Variants in SEZ6L observed in about 807,000 individuals in gnomAD.
SEZ6L encodes the protein seizure 6-like protein.
SEZ6L carries 37 observed loss-of-function variants against 106.2 expected under a neutral mutation model. The ratio of observed to expected loss-of-function variants is 0.35; its 90% CI spans 0.27 to 0.46. SEZ6L has a LOEUF of 0.46. Among genes scored for constraint, SEZ6L ranks in the 20% least tolerant of loss-of-function variants. The probability of loss-of-function intolerance (pLI) is 1.00; values close to 1 mark genes in which losing one functional copy is unlikely to be tolerated. For synonymous variants in SEZ6L, 541 were observed against 570.4 expected, an observed-to-expected ratio of 0.95 and a Z score of 0.73; for missense variants, 1,172 against 1,332.8, an observed-to-expected ratio of 0.88 and a Z score of 1.88.
chr22:26,304,351 C>CA (rs1235240481), intron 5 of SEZ6L, among the ~76,000 whole-genome samples: 575 of 36,506 alleles, frequency 0.016, 13 homozygotes, highest in Middle Eastern at 0.043. Flanking sequence ...GAGTTTGTCT[C>CA]AAAAAAAAAA....
rs559634948 is a variant in SEZ6L at position 26,233,919 on chromosome 22, G to T, written c.95-58487G>T. ...AAGACCTGGAATAAGATGGTTCCAG[G>T]CAAAGGCAAGCACCAGATGGAGGAC... On this transcript the variant is annotated intron_variant, in intron 1 of 16. Coordinates refer to ENST00000248933, the MANE Select transcript of SEZ6L (RefSeq NM_021115.5). Among the ~76,000 whole-genome samples, 14 of 152,290 alleles carry T rather than the reference G, an allele frequency of 9.2e-5. No individual in the cohort carries two copies. In the South Asian group the frequency reaches 2.9e-3, roughly 32 times the overall value.
chr22:26,329,042 G>A (rs1327783079), intron 9 of SEZ6L, among the ~76,000 whole-genome samples: 2 of 152,178 alleles, frequency 1.3e-5, no homozygotes, highest in African/African-American at 4.8e-5. Flanking sequence ...TCTGAGGTGC[G>A]GCCAGGATTG....
At chr22:26,340,912 C>T (rs1442651353) in intron 10 of SEZ6L, among the ~76,000 whole-genome samples, 1 of 151,498 alleles carries the variant, frequency 6.6e-6, no homozygotes, top group East Asian at 1.9e-4. Context: ...GATACCTATT[C>T]CACAAGGTTG....
chr22:26,222,244 G>C (rs939152916), intron 1 of SEZ6L, among the ~76,000 whole-genome samples: 20 of 152,312 alleles, frequency 1.3e-4, no homozygotes, highest in African/African-American at 4.6e-4. Context: ...AGCCTCACAG[G>C]AACTTAGAGT....
chr22:26,347,608 T>C, intron 10 of SEZ6L, 111 bp from the exon 11 acceptor site: 1 of 863,012 alleles, frequency 1.2e-6, no homozygotes, highest in South Asian at 1.9e-5. Context: ...AGCGTGTTGC[T>C]CATTTCTAGA....
intron 1 of SEZ6L, among the ~76,000 whole-genome samples, chr22:26,188,650 C>T (rs1939967127): frequency 6.6e-6 from 1 of 152,226 alleles, no homozygotes; most frequent in Admixed American, 6.5e-5. Flanking sequence ...GCACTCTGTA[C>T]TCCATCATTG....
intron 1 of SEZ6L, among the ~76,000 whole-genome samples, chr22:26,273,957 C>T (rs777115263): frequency 1.3e-5 from 2 of 152,040 alleles, no homozygotes; most frequent in South Asian, 2.1e-4. Flanking sequence ...AGAGCAGGGG[C>T]GATAAGCAGA....
intron 1 of SEZ6L, among the ~76,000 whole-genome samples, chr22:26,290,773 T>G (rs1450915013): frequency 6.6e-6 from 1 of 152,200 alleles, no homozygotes; most frequent in Non-Finnish European, 1.5e-5. Context: ...TCCCCCGTAC[T>G]CTCCACTTGT....
At chr22:26,286,172 G>A (rs1316580700) in intron 1 of SEZ6L, among the ~76,000 whole-genome samples, 1 of 152,174 alleles carries the variant, frequency 6.6e-6, no homozygotes, top group East Asian at 1.9e-4. Context: ...GCGTCCTAAA[G>A]GTAGTTACTG....
intron 1 of SEZ6L, among the ~76,000 whole-genome samples, chr22:26,184,500 A>G (rs1939638437): frequency 6.6e-6 from 1 of 152,202 alleles, no homozygotes; most frequent in East Asian, 1.9e-4. Context: ...TGATTCACTG[A>G]TTCAACCCCA....
Position 26,333,888 on chromosome 22 carries a change from G to A in SEZ6L, c.2016-6548G>A, listed in dbSNP as rs1159779856. 3.9e-5 allele frequency among the ~76,000 whole-genome samples: 6 copies of A among 152,284 alleles called. No individual in the cohort carries two copies. The South Asian group carries it at 8.3e-4, about 21-fold the overall frequency. On this transcript the variant is annotated intron_variant, in intron 9 of 16. Coordinates refer to ENST00000248933, the MANE Select transcript of SEZ6L (RefSeq NM_021115.5). ...CCAGGTGGAGAATTCAGAGCACAGG[G>A]AAGGGAATGTGAAAAGTCCCAGAGG...
At chr22:26,307,654 G>T (rs2081676292) in intron 6 of SEZ6L, among the ~76,000 whole-genome samples, 1 of 151,856 alleles carries the variant, frequency 6.6e-6, no homozygotes, top group African/African-American at 2.4e-5. Flanking sequence ...ATAATAACCT[G>T]GGGAATTCTT....
At chr22:26,179,847 G>C (rs1954512395) in intron 1 of SEZ6L, among the ~76,000 whole-genome samples, 1 of 151,980 alleles carries the variant, frequency 6.6e-6, no homozygotes, top group African/African-American at 2.4e-5. Flanking sequence ...CGCTATTATG[G>C]CTTCTCCAGC....
Position 26,344,648 on chromosome 22 carries a change from A to G in SEZ6L, c.2213-3071A>G, listed in dbSNP as rs542766279. Among the ~76,000 whole-genome samples the G allele has an allele frequency of 2.0e-5, 3 of 152,346 alleles. No homozygotes were observed. In the East Asian group the frequency reaches 5.8e-4, roughly 29 times the overall value. Reference sequence around the variant, plus strand: ...TTGAACCTTGGTGCTAATCTTGTCCATGAGACCGAAACCATGACTTCAGAT... The same window carrying G: ...TTGAACCTTGGTGCTAATCTTGTCCGTGAGACCGAAACCATGACTTCAGAT... On this transcript the variant is annotated intron_variant, in intron 10 of 16. Coordinates refer to ENST00000248933, the MANE Select transcript of SEZ6L (RefSeq NM_021115.5).
At chr22:26,350,596 G>T (rs1382020561) in intron 11 of SEZ6L, among the ~76,000 whole-genome samples, 1 of 150,470 alleles carries the variant, frequency 6.6e-6, no homozygotes, top group Admixed American at 6.6e-5. Context: ...CTATTCTCCA[G>T]CCACCTATCA....
chr22:26,206,863 G>A lies in SEZ6L; in HGVS notation c.94+37100G>A, dbSNP rs547992604. 2.6e-5 allele frequency among the ~76,000 whole-genome samples: 4 copies of A among 152,292 alleles called. No individual in the cohort carries two copies. The South Asian group carries it at 8.3e-4, about 32-fold the overall frequency. On this transcript the variant is annotated intron_variant, in intron 1 of 16. Coordinates refer to ENST00000248933, the MANE Select transcript of SEZ6L (RefSeq NM_021115.5). ...CTTTCTGGACAGAAAATTCAAAATG[G>A]CATTGAAGTATTGGACTTAAAGCTA... is the stretch of plus-strand genomic sequence containing the variant.
chr22:26,360,196 G>C (rs908726976), intron 12 of SEZ6L, among the ~76,000 whole-genome samples: 2 of 152,186 alleles, frequency 1.3e-5, no homozygotes, highest in South Asian at 4.1e-4. Flanking sequence ...CCATAGGGGC[G>C]GAGCCAGGGC....
At position 26,271,750 on chromosome 22, in the gene SEZ6L, T is replaced by G. The variant is rs1200577295; in HGVS notation, c.95-20656T>G. ...GCCCAGCAGATGCTGGCACCATGCT[T>G]TCTGTACAGCCTGTGGAACCGTGAG... On this transcript the variant is annotated intron_variant, in intron 1 of 16. Transcript: ENST00000248933. Among the ~76,000 whole-genome samples, 4 of 152,236 alleles carry G rather than the reference T, an allele frequency of 2.6e-5. 1 individual carries two copies.
At chr22:26,284,468 G>A (rs899490233) in intron 1 of SEZ6L, among the ~76,000 whole-genome samples, 1 of 151,802 alleles carries the variant, frequency 6.6e-6, no homozygotes, top group Admixed American at 6.6e-5. Context: ...ATATTAGCCG[G>A]GCATGTTGGC....
Sources: allele counts gnomAD v4.1 joint callset (sites outside exome capture counted in the v4.1 genomes callset), GRCh38; gene constraint gnomAD v4.1.1; transcripts MANE v1.5; gene names NCBI Gene and HGNC (gene_info 2026-07-23, HGNC 2026-07-21).